GRIA1: variants seen among roughly 807,000 people sequenced by gnomAD.
GRIA1 encodes glutamate ionotropic receptor AMPA type subunit 1, also known as glutamate receptor 1.
A neutral mutation model predicts 99.2 loss-of-function variants in GRIA1; 31 were observed. The ratio of observed to expected loss-of-function variants is 0.31; its 90% CI spans 0.23 to 0.42. The LOEUF (loss-of-function observed/expected upper bound fraction) is 0.42. GRIA1 is among the 10% of genes least tolerant of loss of function. The pLI, the probability that GRIA1 is intolerant of heterozygous loss-of-function variation, is 1.00. For synonymous variants in GRIA1, 438 were observed against 432.4 expected (o/e 1.01, Z -0.16); for missense variants, 782 against 1,157.5 (o/e 0.68, Z 4.71).
intron 2 of GRIA1, among the ~76,000 whole-genome samples, chr5:153,578,987 C>A (rs1762813071): frequency 6.6e-6 from 1 of 150,690 alleles, no homozygotes; most frequent in Non-Finnish European, 1.5e-5. Flanking sequence ...CTCCTGAAAA[C>A]AAGGATTAAA....
intron 2 of GRIA1, among the ~76,000 whole-genome samples, chr5:153,636,495 T>G (rs146832027): frequency 6.6e-6 from 1 of 152,226 alleles, no homozygotes; most frequent in Non-Finnish European, 1.5e-5. Context: ...TGTCTTTGGC[T>G]GCCTTCATGC....
intron 13 of GRIA1, among the ~76,000 whole-genome samples, chr5:153,791,189 C>A (rs765806804): frequency 6.6e-6 from 1 of 150,992 alleles, no homozygotes; most frequent in Admixed American, 6.6e-5. Flanking sequence ...TATCCTAGCA[C>A]TTTGGGAGGC....
intron 2 of GRIA1, among the ~76,000 whole-genome samples, chr5:153,626,482 GTGTGTA>G (rs754389001): frequency 0.087 from 12,430 of 142,264 alleles, 577 homozygotes; most frequent in Middle Eastern, 0.17. Flanking sequence ...GTGTGTGTGT[GTGTGTA>G]TGTGTTGTGC....
At chr5:153,731,226 TTC>T (rs372671407) in intron 11 of GRIA1, among the ~76,000 whole-genome samples, 8 of 149,352 alleles carry the variant, frequency 5.4e-5, no homozygotes, top group Non-Finnish European at 6.0e-5. Flanking sequence ...CTGTCTCTCT[TTC>T]TCTCTCTCTC....
At chr5:153,524,544 C>T (rs1490455620) in intron 2 of GRIA1, among the ~76,000 whole-genome samples, 1 of 152,152 alleles carries the variant, frequency 6.6e-6, no homozygotes, top group African/African-American at 2.4e-5. Flanking sequence ...GCATAGCTAA[C>T]TCATTTAATT....
At chr5:153,624,810 T>G (rs566065869) in intron 2 of GRIA1, among the ~76,000 whole-genome samples, 1 of 152,334 alleles carries the variant, frequency 6.6e-6, no homozygotes, top group South Asian at 2.1e-4. Context: ...AACATGCATC[T>G]TTAGTATCTT....
intron 13 of GRIA1, among the ~76,000 whole-genome samples, chr5:153,785,788 GAAC>G (rs1764931264): frequency 6.6e-6 from 1 of 152,160 alleles, no homozygotes; most frequent in Non-Finnish European, 1.5e-5. Context: ...GTTGTCCCAT[GAAC>G]AACATCCCAA....
chr5:153,549,776 G>A (rs1759964757), intron 2 of GRIA1, among the ~76,000 whole-genome samples: 1 of 152,120 alleles, frequency 6.6e-6, no homozygotes, highest in South Asian at 2.1e-4. Context: ...CTACTGTTAT[G>A]ATGCCCAGGG....
At chr5:153,754,725 A>G (rs544863435) in intron 11 of GRIA1, among the ~76,000 whole-genome samples, 75 of 152,308 alleles carry the variant, frequency 4.9e-4, no homozygotes, top group African/African-American at 1.6e-3. Context: ...CCCACGGTCC[A>G]AAATCCAATG....
chr5:153,651,665 G>A (rs1001166443), intron 4 of GRIA1, among the ~76,000 whole-genome samples: 3 of 152,152 alleles, frequency 2.0e-5, no homozygotes, highest in African/African-American at 4.8e-5. Flanking sequence ...AGAGGCCTCA[G>A]CAATAGAACA....
intron 5 of GRIA1, among the ~76,000 whole-genome samples, chr5:153,671,160 T>C (rs984101739): frequency 3.3e-5 from 5 of 152,186 alleles, no homozygotes; most frequent in Non-Finnish European, 7.3e-5. Flanking sequence ...TGCACTAACC[T>C]TGTTGTCAGA....
chr5:153,537,362 G>A (rs969487633), intron 2 of GRIA1, among the ~76,000 whole-genome samples: 1 of 152,158 alleles, frequency 6.6e-6, no homozygotes, highest in African/African-American at 2.4e-5. Context: ...CCGCAGACCT[G>A]CCTAGCGAAG....
At chr5:153,493,832 G>A in intron 1 of GRIA1, 96 bp from the exon 2 acceptor site, 1 of 1,255,558 alleles carries the variant, frequency 8.0e-7, no homozygotes, top group Non-Finnish European at 1.1e-6. Flanking sequence ...AGTGAGTTTG[G>A]CATGGGGAGA....
At chr5:153,783,545 T>C (rs897439426) in intron 13 of GRIA1, among the ~76,000 whole-genome samples, 3 of 152,244 alleles carry the variant, frequency 2.0e-5, no homozygotes, top group Admixed American at 2.0e-4. Flanking sequence ...TTCAGATCCC[T>C]ATCCAGGTCT....
rs1331788313 is a variant in GRIA1 at position 153,812,434 on chromosome 5, T to G, written c.*1209T>G. The G allele has an allele frequency of 2.0e-5, 3 of 152,234 alleles. No individual in the cohort carries two copies. The highest frequency in any genetic ancestry group is 7.2e-5 in the African/African-American group (3 of 41,462). The allele number at this position is 152,234 out of a possible 1,614,324, so 9.4% of individuals were successfully genotyped here. On this transcript the variant is annotated 3_prime_UTR_variant, in exon 16 of 16. Transcript: ENST00000285900. ...TTATGCTGATGCAAAGAACTTGGGTTTTTATGTTAATATAAAGTGTTGTTT... is the reference window on the plus strand; with the variant it reads ...TTATGCTGATGCAAAGAACTTGGGTGTTTATGTTAATATAAAGTGTTGTTT...
At chr5:153,796,348 T>C (rs1581671583) in intron 14 of GRIA1, among the ~76,000 whole-genome samples, 1 of 152,208 alleles carries the variant, frequency 6.6e-6, no homozygotes, top group East Asian at 1.9e-4. Context: ...TCTTCATTAC[T>C]ACTTTAATCG....
At chr5:153,739,088 C>CA (rs34623069) in intron 11 of GRIA1, among the ~76,000 whole-genome samples, 59,979 of 139,268 alleles carry the variant, frequency 0.43, 13,472 homozygotes, top group East Asian at 0.86. Context: ...GGGATTTCTC[C>CA]AAAAAAAAAA....
intron 2 of GRIA1, among the ~76,000 whole-genome samples, chr5:153,498,263 T>C (rs1183504772): frequency 6.6e-6 from 1 of 152,206 alleles, no homozygotes; most frequent in African/African-American, 2.4e-5. Context: ...CCATTTTCTT[T>C]ACCTGCTGGC....
chr5:153,698,496 TAGCTGTA>T (rs1758282885), intron 9 of GRIA1, among the ~76,000 whole-genome samples: 1 of 152,198 alleles, frequency 6.6e-6, no homozygotes, highest in South Asian at 2.1e-4. Flanking sequence ...ATACATAAAG[TAGCTGTA>T]AGTGAAGATG....
Sources: allele counts gnomAD v4.1 joint callset (sites outside exome capture counted in the v4.1 genomes callset), GRCh38; gene constraint gnomAD v4.1.1; transcripts MANE v1.5; gene names NCBI Gene and HGNC (gene_info 2026-07-23, HGNC 2026-07-21).